PLCB4: variants seen among roughly 807,000 people sequenced by gnomAD.
PLCB4 encodes phospholipase C beta 4, also known as 1-phosphatidylinositol 4,5-bisphosphate phosphodiesterase beta-4.
A neutral mutation model predicts 178.8 loss-of-function variants in PLCB4; 77 were observed. The observed-to-expected ratio is 0.43, with a 90% CI of 0.36 to 0.52. The LOEUF (loss-of-function observed/expected upper bound fraction) is 0.52, where lower values mean the gene tolerates loss of function less well. Ranked by LOEUF, PLCB4 falls within the 20% of genes least tolerant of loss-of-function variation. The pLI, the probability that PLCB4 is intolerant of heterozygous loss-of-function variation, is 0.00. For missense variants in PLCB4, 1,024 were observed against 1,453.4 expected (o/e 0.70, Z 4.80); for synonymous variants, 496 against 490.8 (o/e 1.01, Z -0.14).
At chr20:9,434,183 G>A (rs114975071) in intron 28 of PLCB4, among the ~76,000 whole-genome samples, 1,776 of 152,122 alleles carry the variant, frequency 0.012, 28 homozygotes, top group African/African-American at 0.041. Flanking sequence ...TGTTTCCCAA[G>A]ATATTTGACA....
chr20:9,149,334 A>G (rs534737622), intron 2 of PLCB4, among the ~76,000 whole-genome samples: 1 of 152,224 alleles, frequency 6.6e-6, no homozygotes, highest in East Asian at 1.9e-4. Context: ...GGAAGATAGC[A>G]GCTCTCCTCA....
intron 25 of PLCB4, among the ~76,000 whole-genome samples, chr20:9,415,884 A>G (rs1214236124): frequency 6.6e-6 from 1 of 152,116 alleles, no homozygotes; most frequent in Non-Finnish European, 1.5e-5. Flanking sequence ...CAGCTTCCCT[A>G]TCAATGCCCC....
chr20:9,128,943 C>T (rs1410883599), intron 2 of PLCB4, among the ~76,000 whole-genome samples: 1 of 152,102 alleles, frequency 6.6e-6, no homozygotes, highest in Admixed American at 6.6e-5. Flanking sequence ...TTGTGTCTGG[C>T]TTATTTCACT....
At chr20:9,138,810 G>A (rs2092433106) in intron 2 of PLCB4, among the ~76,000 whole-genome samples, 1 of 152,050 alleles carries the variant, frequency 6.6e-6, no homozygotes, top group African/African-American at 2.4e-5. Flanking sequence ...GTTATAAGGT[G>A]GGCTAATTGA....
At chr20:9,142,434 G>A (rs902646752) in intron 2 of PLCB4, among the ~76,000 whole-genome samples, 7 of 152,122 alleles carry the variant, frequency 4.6e-5, no homozygotes, top group Admixed American at 3.9e-4. Context: ...AATAACTGTG[G>A]GTTGGTTGAA....
intron 3 of PLCB4, among the ~76,000 whole-genome samples, chr20:9,250,311 T>TGGTG (rs1332043077): frequency 6.6e-6 from 1 of 152,140 alleles, no homozygotes. Flanking sequence ...ACCTGTCAGG[T>TGGTG]GGTACCCACA....
chr20:9,103,397 G>C (rs2146644965), intron 2 of PLCB4, among the ~76,000 whole-genome samples: 1 of 152,224 alleles, frequency 6.6e-6, no homozygotes, highest in South Asian at 2.1e-4. Flanking sequence ...AAGAATTACT[G>C]TATTTTTCCA....
intron 2 of PLCB4, among the ~76,000 whole-genome samples, chr20:9,208,174 G>C (rs1012439719): frequency 2.0e-5 from 3 of 152,162 alleles, no homozygotes; most frequent in Non-Finnish European, 4.4e-5. Context: ...TAAGAGGAAG[G>C]GTCCCAGGGC....
chr20:9,085,358 A>G (rs1232899571), intron 1 of PLCB4, among the ~76,000 whole-genome samples: 4 of 152,156 alleles, frequency 2.6e-5, no homozygotes, highest in Non-Finnish European at 5.9e-5. Flanking sequence ...AGTTCTTTCA[A>G]GCAGTCATAA....
At chr20:9,162,933 G>T (rs1328458222) in intron 2 of PLCB4, among the ~76,000 whole-genome samples, 3 of 152,112 alleles carry the variant, frequency 2.0e-5, no homozygotes, top group African/African-American at 7.2e-5. Context: ...AACCACTGGT[G>T]GGGTGGAGGT....
chr20:9,188,327 C>A (rs1293117647), intron 2 of PLCB4, among the ~76,000 whole-genome samples: 7 of 152,212 alleles, frequency 4.6e-5, no homozygotes, highest in Non-Finnish European at 8.8e-5. Context: ...GCGGATGGAA[C>A]AATGGCACTG....
At chr20:9,362,032 G>T (rs184932543) in intron 7 of PLCB4, among the ~76,000 whole-genome samples, 1 of 152,080 alleles carries the variant, frequency 6.6e-6, no homozygotes, top group Non-Finnish European at 1.5e-5. Context: ...GCACTAAGCC[G>T]CAAATCTAAG....
At chr20:9,387,083 G>A (rs981778572) in intron 14 of PLCB4, among the ~76,000 whole-genome samples, 3 of 151,730 alleles carry the variant, frequency 2.0e-5, no homozygotes, top group African/African-American at 7.3e-5. Flanking sequence ...TTTTAGTAGA[G>A]ATGGGGTTTC....
intron 2 of PLCB4, among the ~76,000 whole-genome samples, chr20:9,143,226 C>A (rs2224357): frequency 0.87 from 131,971 of 152,150 alleles, 57,440 homozygotes; most frequent in East Asian, 1. Context: ...GTTTGTTGTC[C>A]ATCTCCCTCT....
chr20:9,280,840 C>T (rs764005678), intron 3 of PLCB4, among the ~76,000 whole-genome samples: 16 of 150,910 alleles, frequency 1.1e-4, no homozygotes, highest in Non-Finnish European at 1.5e-4. Flanking sequence ...TTCTGTATGC[C>T]GAACATGTGT....
intron 1 of PLCB4, among the ~76,000 whole-genome samples, chr20:9,090,821 A>G (rs1370327347): frequency 6.6e-6 from 1 of 152,202 alleles, no homozygotes; most frequent in African/African-American, 2.4e-5. Flanking sequence ...TTTCACTGAG[A>G]TGTTTACTGG....
intron 12 of PLCB4, among the ~76,000 whole-genome samples, chr20:9,373,557 G>T (rs534364431): frequency 6.6e-6 from 1 of 152,076 alleles, no homozygotes; most frequent in East Asian, 1.9e-4. Flanking sequence ...TCTTTTAATG[G>T]ATTGCATGTA....
Position 9,478,868 on chromosome 20 carries a change from T to A in PLCB4, c.3533-53T>A. ...GAGAAGAGAGGCCAGGGTTGTTAAG[T>A]GCCTTCAGATAAGGATTTCAACACA... On this transcript the variant is annotated intron_variant, in intron 39 of 39. Transcript: ENST00000378473. 3.8e-6 allele frequency: 5 copies of A among 1,323,474 alleles called. 1 individual carries two copies. The South Asian group carries it at 5.9e-5, about 16-fold the overall frequency. 82.0% of individuals were successfully genotyped at this position (1,323,474 alleles called of 1,614,324 possible).
intron 2 of PLCB4, among the ~76,000 whole-genome samples, chr20:9,208,207 T>C (rs967016633): frequency 6.6e-6 from 1 of 152,250 alleles, no homozygotes; most frequent in Non-Finnish European, 1.5e-5. Flanking sequence ...GGTGAATTCA[T>C]GCTCCTTTGC....
Sources: gnomAD v4.1 joint callset for allele counts (sites outside exome capture counted in the v4.1 genomes callset) on GRCh38, gnomAD v4.1.1 for gene constraint, MANE v1.5 for transcripts, NCBI Gene and HGNC (gene_info 2026-07-23, HGNC 2026-07-21) for gene names.